PLA2G4E: variants seen among roughly 807,000 people sequenced by gnomAD.
PLA2G4E encodes phospholipase A2 group IVE, also known as cytosolic phospholipase A2 epsilon.
Under a neutral mutation model 109.1 loss-of-function variants are expected in PLA2G4E, and 84 were observed. The ratio of observed to expected loss-of-function variants is 0.77; its 90% CI spans 0.65 to 0.92. The LOEUF is 0.92. Among genes scored for constraint, PLA2G4E ranks in the 40% least tolerant of loss-of-function variants. The pLI is 0.00. For synonymous variants in PLA2G4E, 469 were observed against 436.1 expected (o/e 1.08, Z -0.94); for missense variants, 1,057 against 1,076.6 (o/e 0.98, Z 0.25).
At chr15:42,006,267 A>G in intron 3 of PLA2G4E, 146 bp from the exon 4 acceptor site, 1 of 992,114 alleles carries the variant, frequency 1.0e-6, no homozygotes, top group East Asian at 2.7e-5. Flanking sequence ...TGTGACAGAC[A>G]TTTGTAGGGA....
intron 2 of PLA2G4E, among the ~76,000 whole-genome samples, chr15:42,008,106 G>A (rs2068495818): frequency 6.6e-6 from 1 of 152,212 alleles, no homozygotes; most frequent in African/African-American, 2.4e-5. Flanking sequence ...ATGGCCTCCG[G>A]CTCTTATTAG....
chr15:42,020,965 G>C (rs997234600), intron 1 of PLA2G4E, among the ~76,000 whole-genome samples: 5 of 151,784 alleles, frequency 3.3e-5, no homozygotes, highest in African/African-American at 9.7e-5. Flanking sequence ...AGGGCCTGCT[G>C]TCTTCTGCTT....
At chr15:42,046,063 C>T (rs1043730270) in intron 1 of PLA2G4E, among the ~76,000 whole-genome samples, 2 of 152,164 alleles carry the variant, frequency 1.3e-5, no homozygotes, top group Non-Finnish European at 1.5e-5. Flanking sequence ...GTAAATTCGA[C>T]CTCCAGGAAA....
At chr15:42,049,855 C>G (rs1485246479) in intron 1 of PLA2G4E, among the ~76,000 whole-genome samples, 2 of 152,222 alleles carry the variant, frequency 1.3e-5, no homozygotes, top group Non-Finnish European at 2.9e-5. Context: ...AGCTCACACG[C>G]CCGCCCAGAG....
Position 42,010,642 on chromosome 15 carries a change from G to C in PLA2G4E, c.257-2777C>G, listed in dbSNP as rs556367332. Among the ~76,000 whole-genome samples the C allele has an allele frequency of 5.9e-5, 9 of 152,286 alleles. No homozygotes were observed. The South Asian group carries it at 1.7e-3, about 28-fold the overall frequency. On this transcript the variant is annotated intron_variant, in intron 2 of 19. Transcript: ENST00000399518. ...TGTCTCCTTTCCTGGAATGTGGGTGGCAGAGATGACTCAATCATCTCTATA... is the reference window on the plus strand; with the variant it reads ...TGTCTCCTTTCCTGGAATGTGGGTGCCAGAGATGACTCAATCATCTCTATA...
chr15:41,994,867 G>T (rs542781637), intron 12 of PLA2G4E, among the ~76,000 whole-genome samples: 1 of 152,218 alleles, frequency 6.6e-6, no homozygotes, highest in Non-Finnish European at 1.5e-5. Flanking sequence ...ACAGTGAGCC[G>T]CAGGCACTGT....
At chr15:42,011,425 T>G (rs2068534477) in intron 2 of PLA2G4E, among the ~76,000 whole-genome samples, 1 of 152,180 alleles carries the variant, frequency 6.6e-6, no homozygotes, top group Non-Finnish European at 1.5e-5. Flanking sequence ...CAGACACACC[T>G]CAAAAGGAGT....
intron 2 of PLA2G4E, among the ~76,000 whole-genome samples, chr15:42,011,277 C>T (rs1261528718): frequency 6.6e-6 from 1 of 152,280 alleles, no homozygotes; most frequent in African/African-American, 2.4e-5. Context: ...GCCTGCTCTT[C>T]CTCACACCCC....
intron 3 of PLA2G4E, among the ~76,000 whole-genome samples, chr15:42,007,070 C>T (rs537293600): frequency 7.9e-5 from 12 of 152,296 alleles, no homozygotes; most frequent in Admixed American, 3.9e-4. Context: ...AAATAAGTAT[C>T]CCTAAAACAT....
rs1489080544 is a variant in PLA2G4E at position 42,013,676 on chromosome 15, G to T, written c.256+9C>A. The T allele has an allele frequency of 1.3e-6, 2 of 1,548,620 alleles. No homozygotes were observed. The highest frequency in any genetic ancestry group is 1.7e-6 in the Non-Finnish European group (2 of 1,145,280). Reference sequence around the variant, plus strand: ...AGCAGAGAAGGAGAGAAGTGAGGTGGATACTCACGCATATCAGCCTGCCGG... The same window carrying T: ...AGCAGAGAAGGAGAGAAGTGAGGTGTATACTCACGCATATCAGCCTGCCGG... On this transcript the variant is annotated intron_variant, in intron 2 of 19. Transcript: ENST00000399518.
At chr15:41,983,566 CCTCT>C (rs1204644640) in exon 20 of PLA2G4E, 39 of 603,088 alleles carry the variant, frequency 6.5e-5, no homozygotes, top group Non-Finnish European at 1.1e-4. Flanking sequence ...CAACAGAGCT[CCTCT>C]CTCTCTCTTT....
chr15:42,021,014 A>C (rs939538147), intron 1 of PLA2G4E, among the ~76,000 whole-genome samples: 1 of 151,800 alleles, frequency 6.6e-6, no homozygotes, highest in African/African-American at 2.4e-5. Context: ...CCTGGCGTGC[A>C]TCTGCCTCAG....
chr15:42,002,983 T>C (rs1480705064), intron 5 of PLA2G4E, among the ~76,000 whole-genome samples: 1 of 152,198 alleles, frequency 6.6e-6, no homozygotes, highest in African/African-American at 2.4e-5. Context: ...CAGATGCAAA[T>C]GCATGGGGTT....
At position 42,046,569 on chromosome 15, in the gene PLA2G4E, G is replaced by A. The variant is rs538614933; in HGVS notation, c.183+3952C>T. On this transcript the variant is annotated intron_variant, in intron 1 of 19. Coordinates refer to ENST00000399518, the Ensembl canonical transcript of PLA2G4E. ...GTCCCCTCCCTGCTGCCTGTCACTC[G>A]CTGTCACATTTTGTCCTAATAGCAC... Among the ~76,000 whole-genome samples the A allele has an allele frequency of 5.3e-5, 8 of 152,214 alleles. No homozygotes were observed. In the South Asian group the frequency reaches 1.5e-3, roughly 28 times the overall value.
At chr15:41,995,407 G>C in exon 12 of PLA2G4E, 3 of 1,613,712 alleles carry the variant, frequency 1.9e-6, no homozygotes, top group Non-Finnish European at 2.5e-6. Context: ...AGTCCAGGAG[G>C]TTCAGCTTCT....
At chr15:42,010,433 C>T (rs2068524960) in intron 2 of PLA2G4E, among the ~76,000 whole-genome samples, 1 of 152,172 alleles carries the variant, frequency 6.6e-6, no homozygotes. Flanking sequence ...ACCCACATTC[C>T]AAGCATTAGT....
chr15:41,992,958 T>G (rs1267219245), exon 13 of PLA2G4E: 2 of 1,609,536 alleles, frequency 1.2e-6, no homozygotes, highest in Non-Finnish European at 1.7e-6. Context: ...GTAGCCATGG[T>G]CCTGGAAAGA....
chr15:42,030,488 A>G (rs548194502), intron 1 of PLA2G4E, among the ~76,000 whole-genome samples: 9 of 152,320 alleles, frequency 5.9e-5, no homozygotes, highest in South Asian at 2.1e-4. Flanking sequence ...AGGCTCTCCA[A>G]CTATCACTCT....
At chr15:41,997,688 G>A (rs879262725) in intron 10 of PLA2G4E, 3 of 153,650 alleles carry the variant, frequency 2.0e-5, no homozygotes, top group African/African-American at 7.2e-5. Context: ...AAGGCCCCAC[G>A]GTATGGACTC....
Sources: allele counts gnomAD v4.1 joint callset (sites outside exome capture counted in the v4.1 genomes callset), GRCh38; gene constraint gnomAD v4.1.1; transcripts MANE v1.5; gene names NCBI Gene and HGNC (gene_info 2026-07-23, HGNC 2026-07-21).